The following L3MBTL4 variants were observed in gnomAD, a reference collection of about 807,000 sequenced individuals.
L3MBTL4 encodes the protein L3MBTL histone methyl-lysine binding protein 4, also known as lethal(3)malignant brain tumor-like protein 4.
In L3MBTL4, 70 loss-of-function variants were observed where a neutral mutation model predicts 84.5. The observed-to-expected ratio is 0.83, with a 90% CI of 0.68 to 1.01. The LOEUF is 1.01. Ranked by LOEUF, L3MBTL4 falls within the 50% of genes least tolerant of loss-of-function variation. The pLI, the probability that L3MBTL4 is intolerant of heterozygous loss-of-function variation, is 0.00. For synonymous variants in L3MBTL4, 274 were observed against 259.8 expected (o/e 1.05, Z -0.52); for missense variants, 715 against 754.8 (o/e 0.95, Z 0.62).
intron 4 of L3MBTL4, among the ~76,000 whole-genome samples, chr18:6,291,090 T>C (rs1361819112): frequency 1.3e-5 from 2 of 152,190 alleles, no homozygotes; most frequent in Non-Finnish European, 2.9e-5. Context: ...TTTTTCACGT[T>C]GTAGACAGCT....
At chr18:6,259,311 A>G (rs1198622732) in intron 5 of L3MBTL4, 6 of 152,252 alleles carry the variant, frequency 3.9e-5, no homozygotes, top group Non-Finnish European at 7.3e-5. Context: ...TCTTTGCTAT[A>G]GTGAATAGTG....
chr18:6,366,675 A>G (rs988463057), intron 1 of L3MBTL4, among the ~76,000 whole-genome samples: 2 of 152,178 alleles, frequency 1.3e-5, no homozygotes, highest in Non-Finnish European at 2.9e-5. Context: ...ACACATTCCC[A>G]AAAAGACTAT....
At chr18:5,989,098 C>A (rs1399870377) in intron 16 of L3MBTL4, among the ~76,000 whole-genome samples, 1 of 152,168 alleles carries the variant, frequency 6.6e-6, no homozygotes, top group Non-Finnish European at 1.5e-5. Context: ...AGGCTACAGG[C>A]CCCACTTCTA....
In L3MBTL4 at chr18:6,258,008, T is replaced by C. The variant is rs140470461; in HGVS notation, c.219+5939A>G. Among the ~76,000 whole-genome samples the C allele has an allele frequency of 4.9e-3, 752 of 152,214 alleles. 12 individuals carry two copies. The highest frequency in any genetic ancestry group is 0.017 in the African/African-American group (725 of 41,528). Reference sequence around the variant, plus strand: ...TACAGGCAGGCCCTGAGATAACTGATGGAGTAAGATCTCTAGAAAGGCAGG... The same window carrying C: ...TACAGGCAGGCCCTGAGATAACTGACGGAGTAAGATCTCTAGAAAGGCAGG... On this transcript the variant is annotated intron_variant, in intron 5 of 18. Transcript: ENST00000317931.
At chr18:6,311,871 T>C in intron 2 of L3MBTL4, 127 bp downstream of exon 2, 1 of 374,992 alleles carries the variant, frequency 2.7e-6, no homozygotes, top group Non-Finnish European at 4.9e-6. Context: ...CATCTAGAAT[T>C]TATATCATGG....
At chr18:6,192,564 A>G (rs568096174) in intron 12 of L3MBTL4, among the ~76,000 whole-genome samples, 2 of 152,250 alleles carry the variant, frequency 1.3e-5, no homozygotes, top group South Asian at 4.2e-4. Context: ...AATAGGCATC[A>G]TCGGCTGAGA....
At chr18:5,958,062 G>GAGAAGA (rs563678931) in intron 18 of L3MBTL4, among the ~76,000 whole-genome samples, 1,183 of 93,176 alleles carry the variant, frequency 0.013, 33 homozygotes, top group Middle Eastern at 0.02. Flanking sequence ...GAAGGAGAAG[G>GAGAAGA]AGAAGAAGAA....
chr18:6,302,102 G>A lies in L3MBTL4; in HGVS notation c.73-145C>T, dbSNP rs555673475. The A allele has an allele frequency of 8.5e-5, 64 of 751,860 alleles. 1 individual carries two copies. Among genetic ancestry groups the A allele is most frequent in the Middle Eastern group, 7.1e-4 (3 of 4,230 alleles). The allele number at this position is 751,860 out of a possible 1,614,324, so 46.6% of individuals were successfully genotyped here. ...ACGCACACAATACCCAGAGTCTTCC[G>A]GTGGGTGCCCAGGAGGGGTACACAT... On this transcript the variant is annotated intron_variant, in intron 3 of 18. Transcript: ENST00000317931.
At chr18:5,977,587 G>A (rs764853263) in intron 16 of L3MBTL4, among the ~76,000 whole-genome samples, 2 of 152,256 alleles carry the variant, frequency 1.3e-5, no homozygotes, top group Non-Finnish European at 2.9e-5. Flanking sequence ...GATAAGACAC[G>A]TCCTAGAGCA....
chr18:6,244,326 A>C lies in L3MBTL4; in HGVS notation c.324+158T>G, dbSNP rs562787306. 2.0e-5 allele frequency among the ~76,000 whole-genome samples: 3 copies of C among 152,342 alleles called. No homozygotes were observed. The South Asian group carries it at 6.2e-4, about 32-fold the overall frequency. ...AATTCATCTTCAGAGAAGGAAAAAA[A>C]TTCACTAAGAAACATAGTTTCACCC... On this transcript the variant is annotated intron_variant, in intron 6 of 18. Coordinates refer to ENST00000317931, the MANE Select transcript of L3MBTL4 (RefSeq NM_001330559.2).
intron 12 of L3MBTL4, among the ~76,000 whole-genome samples, chr18:6,175,546 G>A (rs1369017671): frequency 6.6e-6 from 1 of 152,158 alleles, no homozygotes; most frequent in Non-Finnish European, 1.5e-5. Flanking sequence ...TCCGTGTTCT[G>A]TAATTGATTA....
At chr18:6,043,416 A>G (rs1240504336) in intron 16 of L3MBTL4, among the ~76,000 whole-genome samples, 1 of 152,130 alleles carries the variant, frequency 6.6e-6, no homozygotes, top group Non-Finnish European at 1.5e-5. Context: ...CAGGCCATGC[A>G]TGCTGCTCTC....
At chr18:6,297,333 T>C (rs767337358) in intron 4 of L3MBTL4, among the ~76,000 whole-genome samples, 12 of 152,196 alleles carry the variant, frequency 7.9e-5, no homozygotes, top group Non-Finnish European at 1.6e-4. Context: ...CTGGGCTGTC[T>C]TGGGACAGAA....
intron 1 of L3MBTL4, among the ~76,000 whole-genome samples, chr18:6,411,747 C>A (rs67286107): frequency 0.23 from 34,249 of 151,838 alleles, 4,794 homozygotes; most frequent in East Asian, 0.42. Flanking sequence ...CCCCCATAGT[C>A]GCTGAGTATT....
At chr18:6,365,148 TATC>T (rs778149656) in intron 1 of L3MBTL4, among the ~76,000 whole-genome samples, 1 of 152,174 alleles carries the variant, frequency 6.6e-6, no homozygotes, top group Non-Finnish European at 1.5e-5. Context: ...ATGCTGAGAT[TATC>T]ATATCTTGAT....
chr18:6,258,326 CA>C (rs1223046169), intron 5 of L3MBTL4, among the ~76,000 whole-genome samples: 1 of 152,204 alleles, frequency 6.6e-6, no homozygotes, highest in African/African-American at 2.4e-5. Context: ...CAGCTATCTG[CA>C]AGGCCTCATG....
At chr18:6,089,788 GTAGA>G (rs1309588776) in intron 15 of L3MBTL4, among the ~76,000 whole-genome samples, 1 of 152,170 alleles carries the variant, frequency 6.6e-6, no homozygotes, top group African/African-American at 2.4e-5. Context: ...GCTATTAATA[GTAGA>G]TAGTTATTAT....
intron 13 of L3MBTL4, among the ~76,000 whole-genome samples, chr18:6,146,354 T>C (rs898216745): frequency 6.6e-6 from 1 of 151,524 alleles, no homozygotes; most frequent in Non-Finnish European, 1.5e-5. Flanking sequence ...AGAAGAGAAG[T>C]CTGAGGACTG....
intron 16 of L3MBTL4, among the ~76,000 whole-genome samples, chr18:5,987,829 T>G (rs1211295563): frequency 6.6e-6 from 1 of 152,180 alleles, no homozygotes; most frequent in Non-Finnish European, 1.5e-5. Flanking sequence ...CAATATTTTC[T>G]CTGGCAAGAG....
Sources: allele counts gnomAD v4.1 joint callset (sites outside exome capture counted in the v4.1 genomes callset), GRCh38; gene constraint gnomAD v4.1.1; transcripts MANE v1.5; gene names NCBI Gene and HGNC (gene_info 2026-07-23, HGNC 2026-07-21).